RSPH9: variants seen among roughly 807,000 people sequenced by gnomAD.
The protein encoded by RSPH9 is radial spoke head protein 9 homolog.
RSPH9 carries 27 observed loss-of-function variants against 27.0 expected under a neutral mutation model. The ratio of observed to expected loss-of-function variants is 1.00; its 90% CI spans 0.74 to 1.38. RSPH9 has a LOEUF of 1.38. Ranked by LOEUF, RSPH9 falls within the 40% of genes most tolerant of loss-of-function variation. The pLI is 0.00. For missense variants in RSPH9, 347 were observed against 357.4 expected, an observed-to-expected ratio of 0.97 and a Z score of 0.24; for synonymous variants, 145 against 147.7, an observed-to-expected ratio of 0.98 and a Z score of 0.13.
At chr6:43,653,223 G>A (rs1316172007) in intron 2 of RSPH9, among the ~76,000 whole-genome samples, 4 of 152,064 alleles carry the variant, frequency 2.6e-5, no homozygotes, top group Admixed American at 2.6e-4. Flanking sequence ...AGCCCAAGGC[G>A]GGCAGATCAC....
In RSPH9 at chr6:43,645,231, C is replaced by A. The variant is rs759307099; in HGVS notation, c.133C>A (p.Leu45Ile). Residue 45 changes from leucine to isoleucine, a missense_variant, in exon 1 of 5, where the codon CTC (leucine) becomes ATC (isoleucine). Transcript: ENST00000372163. ...GCGCGACTACCGCTATGATCGGGTTCTCTTCTGGGGCCGCATCCTTGGCCT... is the reference window on the plus strand; with the variant it reads ...GCGCGACTACCGCTATGATCGGGTTATCTTCTGGGGCCGCATCCTTGGCCT... Reference protein sequence around the residue: ...VKRDYRYDRVLFWGRILGLVA... With the variant: ...VKRDYRYDRVIFWGRILGLVA... The A allele has an allele frequency of 6.2e-7, 1 of 1,614,114 alleles. No homozygotes were observed. The highest frequency in any genetic ancestry group is 8.5e-7 in the Non-Finnish European group (1 of 1,180,018).
At chr6:43,654,941 A>C (rs1771854417) in intron 2 of RSPH9, among the ~76,000 whole-genome samples, 1 of 152,170 alleles carries the variant, frequency 6.6e-6, no homozygotes, top group Non-Finnish European at 1.5e-5. Flanking sequence ...TGAGCCTGGG[A>C]AGTTGAGGCT....
chr6:43,660,247 G>T (rs1023322081), intron 4 of RSPH9, among the ~76,000 whole-genome samples: 1 of 150,624 alleles, frequency 6.6e-6, no homozygotes, highest in African/African-American at 2.4e-5. Flanking sequence ...CACCATGTTG[G>T]CCAGGCTGAT....
intron 4 of RSPH9, among the ~76,000 whole-genome samples, chr6:43,661,486 C>G (rs9472103): frequency 6.6e-6 from 1 of 151,932 alleles, no homozygotes; most frequent in African/African-American, 2.4e-5. Context: ...TGTGGTGAAA[C>G]CCCATCTCTA....
chr6:43,658,291 C>CAAAAA (rs58592648), intron 4 of RSPH9, among the ~76,000 whole-genome samples: 17 of 24,764 alleles, frequency 6.9e-4, no homozygotes, highest in Non-Finnish European at 1.1e-3. Context: ...AACTCCGTCT[C>CAAAAA]AAAAAAAAAA....
intron 2 of RSPH9, among the ~76,000 whole-genome samples, chr6:43,652,211 C>A (rs1012532485): frequency 6.7e-6 from 1 of 149,754 alleles, no homozygotes; most frequent in East Asian, 2.1e-4. Flanking sequence ...GAGGCTGAGG[C>A]AGGAGAATGG....
At chr6:43,652,088 C>A (rs577163838) in intron 2 of RSPH9, among the ~76,000 whole-genome samples, 17 of 151,438 alleles carry the variant, frequency 1.1e-4, no homozygotes, top group African/African-American at 4.1e-4. Context: ...GGGTGGATCA[C>A]GACGTCAGGA....
intron 4 of RSPH9, 103 bp downstream of exon 4, chr6:43,656,826 G>A: frequency 7.5e-7 from 1 of 1,326,312 alleles, no homozygotes; most frequent in Middle Eastern, 2.5e-4. Context: ...AGGGCCTAGT[G>A]GGAATTGGTG....
At chr6:43,650,583 T>C (rs1340124082) in intron 2 of RSPH9, 43 bp downstream of exon 2, 2 of 1,608,720 alleles carry the variant, frequency 1.2e-6, no homozygotes, top group Non-Finnish European at 1.7e-6. Flanking sequence ...AAAGAGAGCC[T>C]GGGCTCATCC....
At chr6:43,645,462 TG>T (rs980746120) in intron 1 of RSPH9, 137 bp downstream of exon 1, 1 of 509,080 alleles carries the variant, frequency 2.0e-6, no homozygotes, top group Non-Finnish European at 3.2e-6. Context: ...ATGAGTGGAA[TG>T]GGGGAGACCC....
rs1338504400 is a variant in RSPH9, at chr6:43,645,141, G to A, written c.43G>A (p.Gly15Ser). ...CCTGCTGTCTCTGGAGCTGGCGTCC[G>A]GCAGTGGGCAGGGCCTCAGCCCGGA... ...SLLLSLELAS[G>S]SGQGLSPDRR... The change falls in exon 1 of 5, where the codon GGC becomes AGC. Residue 15 changes from glycine to serine, a missense_variant. Coordinates refer to ENST00000372163, the MANE Select transcript of RSPH9 (RefSeq NM_152732.5). The A allele has an allele frequency of 6.2e-7, 1 of 1,613,142 alleles. No individual in the cohort carries two copies. The highest frequency in any genetic ancestry group is 1.3e-5 in the African/African-American group (1 of 74,942).
chr6:43,665,973 GGACCA>G (rs2127928172), intron 4 of RSPH9, among the ~76,000 whole-genome samples: 1 of 152,142 alleles, frequency 6.6e-6, no homozygotes, highest in African/African-American at 2.4e-5. Flanking sequence ...CTACAGGTGT[GGACCA>G]CCATGCCTGG....
intron 1 of RSPH9, 58 bp downstream of exon 1, chr6:43,645,383 GTGGGC>G: frequency 8.2e-7 from 1 of 1,214,116 alleles, no homozygotes. Context: ...GCAGGGCGGG[GTGGGC>G]GGGTCGCAGC....
intron 1 of RSPH9, among the ~76,000 whole-genome samples, chr6:43,649,188 T>TTTTTG (rs1398657969): frequency 1.3e-5 from 2 of 151,844 alleles, no homozygotes; most frequent in African/African-American, 4.8e-5. Context: ...TTTGTTTTTG[T>TTTTTG]TTTTGTTTTG....
At chr6:43,657,244 G>A (rs1271169601) in intron 4 of RSPH9, among the ~76,000 whole-genome samples, 2 of 152,202 alleles carry the variant, frequency 1.3e-5, no homozygotes, top group South Asian at 2.1e-4. Flanking sequence ...CAGACTCAGC[G>A]CCCCACTTCT....
At chr6:43,646,328 G>T (rs186305540) in intron 1 of RSPH9, among the ~76,000 whole-genome samples, 1,650 of 151,234 alleles carry the variant, frequency 0.011, 25 homozygotes, top group African/African-American at 0.038. Flanking sequence ...TAGAGACGGG[G>T]TTTCACCGTG....
chr6:43,662,687 A>G (rs1441391154), intron 4 of RSPH9, among the ~76,000 whole-genome samples: 5 of 151,872 alleles, frequency 3.3e-5, no homozygotes, highest in Non-Finnish European at 7.4e-5. Context: ...CTTTCTTATC[A>G]TTTGTATGTT....
intron 2 of RSPH9, among the ~76,000 whole-genome samples, chr6:43,653,234 G>A (rs1406952982): frequency 6.6e-6 from 1 of 152,036 alleles, no homozygotes; most frequent in Non-Finnish European, 1.5e-5. Context: ...GGCAGATCAC[G>A]AGGTCAGGAG....
At chr6:43,655,988 A>ATTTCCTTCCTTCCTTC in intron 3 of RSPH9, among the ~76,000 whole-genome samples, 1 of 113,616 alleles carries the variant, frequency 8.8e-6, no homozygotes, top group Non-Finnish European at 1.8e-5. Context: ...TCCTCCTTGG[A>ATTTCCTTCCTTCCTTC]CTTCCTTCCT....
Sources: allele counts gnomAD v4.1 joint callset (sites outside exome capture counted in the v4.1 genomes callset), GRCh38; gene constraint gnomAD v4.1.1; transcripts MANE v1.5; gene names NCBI Gene and HGNC (gene_info 2026-07-23, HGNC 2026-07-21).